SHE: variants seen among roughly 807,000 people sequenced by gnomAD.
SHE encodes the protein SH2 domain-containing adapter protein E.
Under a neutral mutation model 49.8 loss-of-function variants are expected in SHE, and 11 were observed. The ratio of observed to expected loss-of-function variants is 0.22; its 90% confidence interval spans 0.14 to 0.37. The LOEUF is 0.37. Among genes scored for constraint, SHE ranks in the 10% least tolerant of loss-of-function variants. The pLI is 1.00. For missense variants in SHE, 624 were observed against 655.5 expected, an observed-to-expected ratio of 0.95 and a Z score of 0.52; for synonymous variants, 310 against 278.1, an observed-to-expected ratio of 1.11 and a Z score of -1.14.
Position 154,471,680 on chromosome 1 carries a change from A to ACTCT in SHE, c.103-1322_103-1319dup, listed in dbSNP as rs139560920. ...CTTGAATAAAGTTAAGTTTTTCAGTACTCTCTCTCTCTCTCTCTCTCTCTC... is the reference window on the plus strand; with the variant it reads ...CTTGAATAAAGTTAAGTTTTTCAGTACTCTCTCTCTCTCTCTCTCTCTCTCTCTC... On this transcript the variant is annotated intron_variant, in intron 1 of 1. Coordinates refer to the SHE transcript ENST00000486773. Among the ~76,000 whole-genome samples, 102 of 149,336 alleles carry ACTCT rather than the reference A, an allele frequency of 6.8e-4. 1 individual carries two copies. The highest frequency in any genetic ancestry group is 3.5e-3 in the Middle Eastern group (1 of 288).
At position 154,501,882 on chromosome 1, in the gene SHE, G is replaced by C; in HGVS notation, c.145C>G (p.Leu49Val). ...AKWFKEFPLNLKTVSERAKPG... is the reference protein window; with the variant it reads ...AKWFKEFPLNVKTVSERAKPG... ...TTGGCCCGCTCCGACACGGTCTTCA[G>C]GTTCAGGGGGAACTCCTTGAACCAC... The change falls in exon 1 of 6, where the codon CTG becomes GTG. Residue 49 changes from leucine (L) to valine (V), a missense_variant. By Grantham distance (32) the Leu-to-Val change is conservative. Coordinates refer to ENST00000304760, the MANE Select transcript of SHE (RefSeq NM_001010846.3). 1 of 1,531,332 alleles carries C rather than the reference G, an allele frequency of 6.5e-7. No homozygotes were observed. The highest frequency in any genetic ancestry group is 8.7e-7 in the Non-Finnish European group (1 of 1,146,112). The allele number at this position is 1,531,332 out of a possible 1,614,324, so 94.9% of individuals were successfully genotyped here. A position where few individuals can be genotyped will look rare whatever the true frequency, so the allele number is the denominator to read the frequency against.
intron 1 of SHE, among the ~76,000 whole-genome samples, chr1:154,474,053 C>T (rs1012905757): frequency 1.3e-5 from 2 of 152,228 alleles, no homozygotes; most frequent in Non-Finnish European, 2.9e-5. Flanking sequence ...TGCCATGGGG[C>T]TCCGGCCCCC....
chr1:154,491,193 A>G (rs1383982241), intron 2 of SHE, among the ~76,000 whole-genome samples: 1 of 152,216 alleles, frequency 6.6e-6, no homozygotes, highest in Admixed American at 6.5e-5. Flanking sequence ...AACTTTCTAT[A>G]TGCAGATACC....
downstream of SHE, among the ~76,000 whole-genome samples, chr1:154,478,428 C>CAA (rs10594379): frequency 6.7e-3 from 763 of 113,322 alleles, 16 homozygotes; most frequent in African/African-American, 0.027. Flanking sequence ...ATAAAAAGTG[C>CAA]AAAAAAAAAA....
At chr1:154,492,387 T>G (rs1692394172) in intron 2 of SHE, among the ~76,000 whole-genome samples, 1 of 152,160 alleles carries the variant, frequency 6.6e-6, no homozygotes, top group Non-Finnish European at 1.5e-5. Flanking sequence ...ACAGTCCCCA[T>G]CTTGGTTCCT....
chr1:154,483,441 C>T lies in SHE; in HGVS notation c.*708G>A. Reference sequence around the variant, plus strand: ...ATATAACATCCTCTTCCAGTCTGCACCATCATGTGGAAAAGCCACGTGGAT... The same window carrying T: ...ATATAACATCCTCTTCCAGTCTGCATCATCATGTGGAAAAGCCACGTGGAT... On this transcript the variant is annotated 3_prime_UTR_variant, in exon 6 of 6. Transcript: ENST00000304760. The T allele has an allele frequency of 2.0e-6, 2 of 985,364 alleles. No individual in the cohort carries two copies. Among genetic ancestry groups the T allele is most frequent in the Non-Finnish European group, 2.4e-6 (2 of 829,924 alleles). 61.0% of individuals were successfully genotyped at this position (985,364 alleles called of 1,614,324 possible).
chr1:154,489,112 G>GGGCCTCTC lies in SHE; in HGVS notation c.955_962dup (p.Ala322ArgfsTer39). 1 of 1,612,954 alleles carries GGGCCTCTC rather than the reference G, an allele frequency of 6.2e-7. No individual in the cohort carries two copies. Among genetic ancestry groups the GGGCCTCTC allele is most frequent in the Non-Finnish European group, 8.5e-7 (1 of 1,179,326 alleles). On this transcript the variant is annotated frameshift_variant, in exon 3 of 6. Coordinates refer to ENST00000304760, the MANE Select transcript of SHE (RefSeq NM_001010846.3). LOFTEE classifies it high-confidence loss of function. ...CCCATGGCTGCTCGTACTCTGCCGC[G>GGGCCTCTC]GGCCTCTCGTCGTTCTCGGGCAGCC...
chr1:154,480,954 A>G lies in SHE; in HGVS notation c.*3195T>C, dbSNP rs913053840. 1.0e-5 allele frequency: 10 copies of G among 985,346 alleles called. No individual in the cohort carries two copies. Among genetic ancestry groups the G allele is most frequent in the Non-Finnish European group, 1.2e-5 (10 of 829,938 alleles). The allele number at this position is 985,346 out of a possible 1,614,324, so 61.0% of individuals were successfully genotyped here. On this transcript the variant is annotated 3_prime_UTR_variant, in exon 6 of 6. Coordinates refer to ENST00000304760, the MANE Select transcript of SHE (RefSeq NM_001010846.3). ...GTGTGATCAAGAAGAACACTGACAC[A>G]GCTCTATGGATGCTAAATTCAAGGC...
intron 1 of SHE, among the ~76,000 whole-genome samples, chr1:154,472,680 C>A (rs1321395412): frequency 6.6e-6 from 1 of 152,150 alleles, no homozygotes; most frequent in East Asian, 1.9e-4. Context: ...TGCTGTACAG[C>A]CAGCTTTGAA....
chr1:154,500,221 C>A (rs1319128176), intron 1 of SHE, among the ~76,000 whole-genome samples: 2 of 152,164 alleles, frequency 1.3e-5, no homozygotes, highest in African/African-American at 4.8e-5. Flanking sequence ...TCACTTAATC[C>A]ATTTTTCTTG....
At position 154,481,086 on chromosome 1, in the gene SHE, A is replaced by G. The variant is rs1692006893; in HGVS notation, c.*3063T>C. ...TACTTGTCTCAAGACAAAATGACAA[A>G]AAGCCAGAGCATTCAGAGCTCAGAG... On this transcript the variant is annotated 3_prime_UTR_variant, in exon 6 of 6. Transcript: ENST00000304760. The G allele has an allele frequency of 1.0e-6, 1 of 985,356 alleles. No homozygotes were observed. Among genetic ancestry groups the G allele is most frequent in the Admixed American group, 6.1e-5 (1 of 16,270 alleles). 61.0% of individuals were successfully genotyped at this position (985,356 alleles called of 1,614,324 possible).
Position 154,483,341 on chromosome 1 carries a change from T to A in SHE, c.*808A>T. ...AACTCCAGAGCTGAATTAGGACTTC[T>A]GAGGGAGAAAGACCACCTTCTTGCC... On this transcript the variant is annotated 3_prime_UTR_variant, in exon 6 of 6. Transcript: ENST00000304760. 1.0e-6 allele frequency: 1 copy of A among 985,434 alleles called. No individual in the cohort carries two copies. Among genetic ancestry groups the A allele is most frequent in the African/African-American group, 1.7e-5 (1 of 57,370 alleles). 61.0% of individuals were successfully genotyped at this position (985,434 alleles called of 1,614,324 possible).
chr1:154,478,944 A>G (rs11265622), downstream of SHE, among the ~76,000 whole-genome samples: 77,185 of 152,068 alleles, frequency 0.51, 22,670 homozygotes, highest in East Asian at 0.76. Flanking sequence ...ACTTTTTGAT[A>G]GCAGACTCAA....
At chr1:154,495,672 C>A (rs1054028811) in intron 2 of SHE, among the ~76,000 whole-genome samples, 1 of 151,902 alleles carries the variant, frequency 6.6e-6, no homozygotes, top group African/African-American at 2.4e-5. Flanking sequence ...GGTCCAAGGG[C>A]AGAAATCATG....
intron 2 of SHE, among the ~76,000 whole-genome samples, chr1:154,493,838 C>T (rs908527088): frequency 2.6e-5 from 4 of 152,160 alleles, no homozygotes; most frequent in Non-Finnish European, 5.9e-5. Flanking sequence ...ACTAGGTATA[C>T]ACCTGCTAGG....
intron 2 of SHE, among the ~76,000 whole-genome samples, chr1:154,497,154 C>G (rs146802755): frequency 2.1e-4 from 32 of 152,328 alleles, no homozygotes; most frequent in African/African-American, 7.7e-4. Context: ...TCTCTGTAAG[C>G]AGAGAAGCAG....
chr1:154,497,908 C>CCCGACCTCAGGTGATCGG (rs1553192544), intron 2 of SHE, among the ~76,000 whole-genome samples: 3 of 151,926 alleles, frequency 2.0e-5, no homozygotes, highest in Non-Finnish European at 4.4e-5. Flanking sequence ...ATCTCGAACT[C>CCCGACCTCAGGTGATCGG]CCGACCTCAG....
intron 2 of SHE, among the ~76,000 whole-genome samples, chr1:154,494,913 G>T (rs1692477627): frequency 6.6e-6 from 1 of 152,184 alleles, no homozygotes; most frequent in African/African-American, 2.4e-5. Context: ...TTAGCCAGGT[G>T]TGGTGGCAGG....
chr1:154,486,193 G>A (rs1335598901), intron 4 of SHE, 131 bp from the exon 5 acceptor site: 15 of 1,252,868 alleles, frequency 1.2e-5, no homozygotes, highest in Admixed American at 4.1e-5. Context: ...ACTAGATCCT[G>A]CTTCACATTC....
Sources: gnomAD v4.1 joint callset for allele counts (sites outside exome capture counted in the v4.1 genomes callset) on GRCh38, gnomAD v4.1.1 for gene constraint, MANE v1.5 for transcripts, NCBI Gene and HGNC (gene_info 2026-07-23, HGNC 2026-07-21) for gene names.